Variants in TMEM40 observed in about 807,000 individuals in gnomAD.
TMEM40 encodes transmembrane protein 40.
In TMEM40, 34 loss-of-function variants were observed where a neutral mutation model predicts 40.8. The observed-to-expected ratio is 0.83, with a 90% CI of 0.63 to 1.11. TMEM40 has a LOEUF of 1.11. Ranked by LOEUF, TMEM40 falls within the 50% of genes least tolerant of loss-of-function variation. The probability of loss-of-function intolerance (pLI) is 0.00; values close to 1 mark genes in which losing one functional copy is unlikely to be tolerated. For synonymous variants in TMEM40, 106 were observed against 107.0 expected (o/e 0.99, Z 0.06); for missense variants, 296 against 280.2 (o/e 1.06, Z -0.40).
At chr3:12,756,331 C>A (rs1371782537) in intron 1 of TMEM40, among the ~76,000 whole-genome samples, 1 of 152,132 alleles carries the variant, frequency 6.6e-6, no homozygotes, top group Non-Finnish European at 1.5e-5. Context: ...ATGTACATAT[C>A]TATGCATATG....
intron 4 of TMEM40, 119 bp from the exon 5 acceptor site, chr3:12,742,626 G>T: frequency 8.2e-7 from 1 of 1,213,048 alleles, no homozygotes; most frequent in Non-Finnish European, 1.2e-6. Context: ...AGGTGAGGTG[G>T]GGGGCAGTCT....
intron 1 of TMEM40, among the ~76,000 whole-genome samples, chr3:12,766,346 A>G (rs2061594676): frequency 6.6e-6 from 1 of 152,166 alleles, no homozygotes; most frequent in East Asian, 1.9e-4. Flanking sequence ...CTGTAATCCC[A>G]GCACTTTGGG....
chr3:12,761,605 C>CA (rs34133777), upstream of TMEM40, among the ~76,000 whole-genome samples: 94,021 of 145,602 alleles, frequency 0.65, 31,574 homozygotes, highest in African/African-American at 0.83. Flanking sequence ...GATCTCATCT[C>CA]AAAAAAAAAA....
intron 7 of TMEM40, 174 bp downstream of exon 7, chr3:12,737,962 G>A: frequency 2.0e-6 from 2 of 982,228 alleles, no homozygotes; most frequent in Non-Finnish European, 3.1e-6. Flanking sequence ...GCCCGAGTCT[G>A]CCTTCCTTTC....
At position 12,765,718 on chromosome 3, in the gene TMEM40, T is replaced by C. The variant is rs368030883; in HGVS notation, c.-9+3533A>G. On this transcript the variant is annotated intron_variant, in intron 1 of 11. Transcript: ENST00000264728. ...CTGAGTAGCTGGGACTACAGGCGCC[T>C]GCCACCACGCCCAGCTAATTTTTTG... Among the ~76,000 whole-genome samples the C allele has an allele frequency of 8.6e-5, 13 of 151,830 alleles. No homozygotes were observed. The East Asian group carries it at 9.7e-4, about 11-fold the overall frequency.
intron 1 of TMEM40, among the ~76,000 whole-genome samples, chr3:12,750,907 C>T (rs1490207774): frequency 6.6e-6 from 1 of 152,154 alleles, no homozygotes; most frequent in Non-Finnish European, 1.5e-5. Flanking sequence ...CAAATGACCC[C>T]TGTTGTGGGG....
intron 1 of TMEM40, among the ~76,000 whole-genome samples, chr3:12,768,571 T>TGG (rs2061605112): frequency 6.6e-6 from 1 of 152,116 alleles, no homozygotes; most frequent in Non-Finnish European, 1.5e-5. Context: ...GAGTGCCGAC[T>TGG]GGTGCATCCA....
Position 12,743,944 on chromosome 3 carries a change from CGAT to C in TMEM40, c.254_256del (p.His85del). On this transcript the variant is annotated inframe_deletion, in exon 4 of 12. Transcript: ENST00000314124. Reference sequence around the variant, plus strand: ...GGGGTATCCAGCCCCCAGGCTCCGTCGATGTTTTCCGGTTGCTCTGGGTTGCTG... The same window carrying C: ...GGGGTATCCAGCCCCCAGGCTCCGTCGTTTTCCGGTTGCTCTGGGTTGCTG... 1 of 1,613,462 alleles carries C rather than the reference CGAT, an allele frequency of 6.2e-7. No homozygotes were observed. The highest frequency in any genetic ancestry group is 1.3e-5 in the African/African-American group (1 of 75,034).
chr3:12,769,039 G>C (rs186677425), intron 1 of TMEM40, among the ~76,000 whole-genome samples: 190 of 152,164 alleles, frequency 1.2e-3, no homozygotes, highest in Non-Finnish European at 2.2e-3. Flanking sequence ...GGCCCTGCGA[G>C]AAATCGAGTG....
upstream of TMEM40, among the ~76,000 whole-genome samples, chr3:12,764,168 C>G (rs2061584598): frequency 1.3e-5 from 2 of 152,184 alleles, no homozygotes; most frequent in Non-Finnish European, 2.9e-5. Flanking sequence ...CCCGCCTCAG[C>G]CTCCCAAAGT....
At chr3:12,754,442 T>C (rs2061503407) in intron 1 of TMEM40, among the ~76,000 whole-genome samples, 1 of 152,104 alleles carries the variant, frequency 6.6e-6, no homozygotes, top group African/African-American at 2.4e-5. Context: ...GGAAAGAAAA[T>C]AGTGCAAGCA....
intron 5 of TMEM40, chr3:12,739,331 A>C (rs570751924): frequency 1.3e-4 from 20 of 151,542 alleles, no homozygotes; most frequent in Non-Finnish European, 1.9e-4. Context: ...GTTGCCCAGG[A>C]TGGAGTGCAG....
intron 3 of TMEM40, 127 bp from the exon 4 acceptor site, chr3:12,744,116 A>C (rs1286720190): frequency 1.8e-5 from 16 of 880,446 alleles, no homozygotes; most frequent in Non-Finnish European, 8.7e-6. Context: ...AGGAACTCTG[A>C]TTTGGGGACT....
intron 1 of TMEM40, among the ~76,000 whole-genome samples, chr3:12,756,763 G>C (rs2061531147): frequency 6.6e-6 from 1 of 150,630 alleles, no homozygotes; most frequent in Non-Finnish European, 1.5e-5. Context: ...CTCTCTCTCT[G>C]TTTCTACCCA....
intron 5 of TMEM40, chr3:12,741,278 T>A (rs543244491): frequency 2.2e-4 from 34 of 152,396 alleles, no homozygotes; most frequent in African/African-American, 7.5e-4. Context: ...CTGTTCTAGT[T>A]CCCTGGTGAC....
At position 12,736,795 on chromosome 3, in the gene TMEM40, C is replaced by T. The variant is rs1412958493; in HGVS notation, c.513G>A (p.Gly171=). 6.2e-7 allele frequency: 1 copy of T among 1,614,150 alleles called. No individual in the cohort carries two copies. The highest frequency in any genetic ancestry group is 1.1e-5 in the South Asian group (1 of 91,078). The change falls in exon 9 of 12, where the codon GGG becomes GGA. Residue 171 remains glycine, a synonymous_variant. Coordinates refer to ENST00000314124, the MANE Select transcript of TMEM40 (RefSeq NM_018306.4). The part of the protein sequence containing the change: ...FHFVLLCFAI[G]ALLVCYHYYA... ...AATAGTGATAACACACCAGCAAGGC[C>T]CCGATGGCAAAGCACAGGAGGACGA...
chr3:12,743,760 A>G, intron 4 of TMEM40, 140 bp downstream of exon 4: 1 of 736,732 alleles, frequency 1.4e-6, no homozygotes, highest in Non-Finnish European at 2.2e-6. Flanking sequence ...AGCATCCTTT[A>G]TCTATTCTGC....
intron 3 of TMEM40, among the ~76,000 whole-genome samples, chr3:12,746,655 A>G (rs2061431238): frequency 6.6e-6 from 1 of 152,184 alleles, no homozygotes; most frequent in Non-Finnish European, 1.5e-5. Context: ...TTCTGGCAGC[A>G]GGTCAGTCAC....
intron 8 of TMEM40, 112 bp downstream of exon 8, chr3:12,737,595 C>T: frequency 1.1e-6 from 1 of 945,802 alleles, no homozygotes; most frequent in South Asian, 1.4e-5. Flanking sequence ...AACTGCAGGG[C>T]ACACGACAGA....
Sources: gnomAD v4.1 joint callset for allele counts (sites outside exome capture counted in the v4.1 genomes callset) on GRCh38, gnomAD v4.1.1 for gene constraint, MANE v1.5 for transcripts, NCBI Gene and HGNC (gene_info 2026-07-23, HGNC 2026-07-21) for gene names.